SLC35F3: variants seen among roughly 807,000 people sequenced by gnomAD.
The protein encoded by SLC35F3 is solute carrier family 35 member F3.
Under a neutral mutation model 49.9 loss-of-function variants are expected in SLC35F3, and 25 were observed. That is an observed-to-expected ratio of 0.50 (90% CI 0.37 to 0.70). The LOEUF (loss-of-function observed/expected upper bound fraction) is 0.70, where lower values mean the gene tolerates loss of function less well. SLC35F3 is among the 30% of genes least tolerant of loss of function. SLC35F3 has a pLI of 0.00. For synonymous variants in SLC35F3, 275 were observed against 265.4 expected (o/e 1.04, Z -0.35); for missense variants, 525 against 639.8 (o/e 0.82, Z 1.94).
intron 2 of SLC35F3, among the ~76,000 whole-genome samples, chr1:234,028,935 A>G (rs572814654): frequency 1.3e-5 from 2 of 152,300 alleles, no homozygotes; most frequent in African/African-American, 4.8e-5. Context: ...AAGCACGATG[A>G]TTTCCGTGGG....
intron 2 of SLC35F3, among the ~76,000 whole-genome samples, chr1:234,210,130 G>A (rs1667028466): frequency 6.6e-6 from 1 of 152,120 alleles, no homozygotes; most frequent in Non-Finnish European, 1.5e-5. Flanking sequence ...GAGTTTCCCT[G>A]CACAAGCTCT....
chr1:233,942,363 T>C (rs1425862054), intron 2 of SLC35F3, among the ~76,000 whole-genome samples: 1 of 152,156 alleles, frequency 6.6e-6, no homozygotes, highest in Non-Finnish European at 1.5e-5. Flanking sequence ...TTTGATGTTG[T>C]TTTGTGTGAC....
At chr1:233,949,464 C>A (rs1213458433) in intron 2 of SLC35F3, among the ~76,000 whole-genome samples, 2 of 152,046 alleles carry the variant, frequency 1.3e-5, no homozygotes, top group African/African-American at 4.8e-5. Context: ...GCTCAAGGAG[C>A]CAGGTGGGGC....
intron 2 of SLC35F3, among the ~76,000 whole-genome samples, chr1:234,215,705 AG>A: frequency 6.6e-6 from 1 of 152,226 alleles, no homozygotes; most frequent in African/African-American, 2.4e-5. Context: ...TCTCAGAACC[AG>A]CGAGGACAAG....
At chr1:234,017,158 G>A (rs557902338) in intron 2 of SLC35F3, among the ~76,000 whole-genome samples, 14 of 152,240 alleles carry the variant, frequency 9.2e-5, no homozygotes, top group East Asian at 7.7e-4. Flanking sequence ...CATGAAGAGC[G>A]AATTAGTGAA....
intron 2 of SLC35F3, among the ~76,000 whole-genome samples, chr1:234,182,140 T>C (rs998569331): frequency 6.6e-6 from 1 of 152,222 alleles, no homozygotes; most frequent in Admixed American, 6.5e-5. Context: ...TTTCCAAATA[T>C]TTTTATAAAT....
chr1:233,936,880 C>T (rs1225168056), intron 2 of SLC35F3, among the ~76,000 whole-genome samples: 2 of 152,046 alleles, frequency 1.3e-5, no homozygotes, highest in South Asian at 2.1e-4. Context: ...TTTGTAGAGA[C>T]GGGGCCTCCT....
At position 234,209,870 on chromosome 1, in the gene SLC35F3, A is replaced by G. The variant is rs556351814; in HGVS notation, c.284-21547A>G. Among the ~76,000 whole-genome samples the G allele has an allele frequency of 4.1e-4, 62 of 152,350 alleles. 1 individual carries two copies. The highest frequency in any genetic ancestry group is 4.0e-3 in the Admixed American group (61 of 15,306). On this transcript the variant is annotated intron_variant, in intron 2 of 7. Coordinates refer to ENST00000366618, the MANE Select transcript of SLC35F3 (RefSeq NM_173508.4). The stretch of plus-strand genomic sequence containing the variant: ...AAAAAGGATTTAGTGATCTTTAACA[A>G]TATTTGTTAACTATTTGACTCTGTA...
intron 2 of SLC35F3, among the ~76,000 whole-genome samples, chr1:234,166,049 A>T (rs1666313744): frequency 6.6e-6 from 1 of 152,162 alleles, no homozygotes; most frequent in Non-Finnish European, 1.5e-5. Context: ...TTTATGGCTG[A>T]GTAGTATTCC....
intron 3 of SLC35F3, among the ~76,000 whole-genome samples, chr1:234,245,569 C>A (rs1667618061): frequency 6.6e-6 from 1 of 152,188 alleles, no homozygotes; most frequent in Non-Finnish European, 1.5e-5. Context: ...TAATCTGAAC[C>A]TTAATGGCAT....
chr1:233,914,932 C>G (rs1359844051), intron 2 of SLC35F3, among the ~76,000 whole-genome samples: 1 of 152,184 alleles, frequency 6.6e-6, no homozygotes, highest in Non-Finnish European at 1.5e-5. Context: ...AGCACTGAAA[C>G]AATTGCCTAG....
intron 3 of SLC35F3, among the ~76,000 whole-genome samples, chr1:234,267,081 T>C (rs1236662124): frequency 7.0e-6 from 1 of 142,820 alleles, no homozygotes; most frequent in African/African-American, 2.6e-5. Context: ...GTGATGACTC[T>C]TAAGGAGCAT....
intron 2 of SLC35F3, among the ~76,000 whole-genome samples, chr1:233,927,396 A>T (rs546465922): frequency 6.6e-6 from 1 of 152,246 alleles, no homozygotes; most frequent in South Asian, 2.1e-4. Flanking sequence ...TTTACTTCAA[A>T]ATGGTTTTTC....
Position 234,231,487 on chromosome 1 carries a change from G to A in SLC35F3, c.354G>A (p.Gly118=), listed in dbSNP as rs1286264765. The A allele has an allele frequency of 6.2e-7, 1 of 1,612,510 alleles. No individual in the cohort carries two copies. The highest frequency in any genetic ancestry group is 1.7e-5 in the Admixed American group (1 of 59,966). ...AQAPAGVEAG[G]RASRRCWTCS... is the part of the protein sequence containing the mutation. ...CACCGGCCGGGGTGGAGGCCGGCGG[G>A]AGAGCGAGTCGCCGCTGCTGGACGT... The change falls in exon 3 of 8, where the codon GGG becomes GGA. Residue 118 remains glycine (G), a synonymous_variant. Transcript: ENST00000366618. The surrounding 1 kb of genome is among the most constrained non-coding windows in gnomAD (Gnocchi z 5.4).
At chr1:234,032,717 G>T (rs890175339) in intron 2 of SLC35F3, among the ~76,000 whole-genome samples, 1 of 152,068 alleles carries the variant, frequency 6.6e-6, no homozygotes, top group South Asian at 2.1e-4. Context: ...GTTATTTTTT[G>T]TGGTGGAATA....
chr1:234,290,866 A>G (rs572817445), intron 3 of SLC35F3, among the ~76,000 whole-genome samples: 24 of 152,266 alleles, frequency 1.6e-4, no homozygotes, highest in African/African-American at 5.1e-4. Context: ...AAAGTGATAT[A>G]ACTCACCTTT....
intron 2 of SLC35F3, among the ~76,000 whole-genome samples, chr1:234,112,549 TCA>T (rs1380729774): frequency 8.3e-5 from 12 of 143,970 alleles, no homozygotes; most frequent in Non-Finnish European, 7.6e-5. Context: ...AGTTTATAAT[TCA>T]CACTCTTTTT....
At chr1:234,056,846 G>A (rs912809466) in intron 2 of SLC35F3, among the ~76,000 whole-genome samples, 1 of 152,148 alleles carries the variant, frequency 6.6e-6, no homozygotes, top group African/African-American at 2.4e-5. Flanking sequence ...TGTGTATGAT[G>A]TGAGAAAGGG....
At chr1:234,149,244 T>C (rs1231577714) in intron 2 of SLC35F3, among the ~76,000 whole-genome samples, 4 of 152,168 alleles carry the variant, frequency 2.6e-5, no homozygotes, top group Non-Finnish European at 4.4e-5. Context: ...AAAATACCCA[T>C]GGGGGACATT....
Sources: gnomAD v4.1 joint callset for allele counts (sites outside exome capture counted in the v4.1 genomes callset) on GRCh38, gnomAD v4.1.1 for gene constraint, Gnocchi (gnomAD v3.1) non-coding constraint, MANE v1.5 for transcripts, NCBI Gene and HGNC (gene_info 2026-07-23, HGNC 2026-07-21) for gene names.